Variants in MPDZ observed in about 807,000 individuals in gnomAD.
MPDZ encodes the protein multiple PDZ domain protein.
MPDZ carries 234 observed loss-of-function variants against 239.1 expected under a neutral mutation model. The observed-to-expected ratio is 0.98, with a 90% CI of 0.88 to 1.09. The LOEUF (loss-of-function observed/expected upper bound fraction) is 1.09. MPDZ is among the 50% of genes least tolerant of loss of function. The pLI is 0.00. For synonymous variants in MPDZ, 1,048 were observed against 881.3 expected, an observed-to-expected ratio of 1.19 and a Z score of -3.35; for missense variants, 3,175 against 2,510.0, an observed-to-expected ratio of 1.26 and a Z score of -5.66.
At chr9:13,134,306 T>A (rs2132158305) in intron 31 of MPDZ, 1 of 152,470 alleles carries the variant, frequency 6.6e-6, no homozygotes, top group African/African-American at 2.4e-5. Context: ...ACTGTGTTAT[T>A]TATCAAGTGA....
rs372859606 is a variant in MPDZ at position 13,125,328 on chromosome 9, T to C, written c.4695A>G (p.Pro1565=). The change falls in exon 35 of 47, where the codon CCA becomes CCG. Residue 1565 remains proline, a synonymous_variant. Transcript: ENST00000319217. Reference sequence around the variant, plus strand: ...CTGCTGAAGGAACAGCCTGGGAATCTGGATTCTCAGCATGGATGGTAAGTT... The same window carrying C: ...CTGCTGAAGGAACAGCCTGGGAATCCGGATTCTCAGCATGGATGGTAAGTT... ...TVKLTIHAEN[P]DSQAVPSAAG... 7.0e-5 allele frequency: 113 copies of C among 1,613,736 alleles called. No individual in the cohort carries two copies. Among genetic ancestry groups the C allele is most frequent in the Middle Eastern group, 1.6e-4 (1 of 6,084 alleles).
intron 1 of MPDZ, among the ~76,000 whole-genome samples, chr9:13,268,152 T>TTA (rs71491605): frequency 0.038 from 5,514 of 146,782 alleles, 114 homozygotes; most frequent in African/African-American, 0.056. Context: ...AAAAGGAAAA[T>TTA]TATATATATA....
At chr9:13,122,511 A>G (rs1462828771) in intron 36 of MPDZ, among the ~76,000 whole-genome samples, 1 of 150,274 alleles carries the variant, frequency 6.7e-6, no homozygotes, top group Non-Finnish European at 1.5e-5. Context: ...CAAAGTATCA[A>G]TTTTTCAAAC....
chr9:13,228,662 G>C (rs1961410632), intron 3 of MPDZ, among the ~76,000 whole-genome samples: 6 of 151,862 alleles, frequency 4.0e-5, no homozygotes, highest in Admixed American at 3.9e-4. Context: ...TTGGTGTGCG[G>C]GATCCTCAGC....
At chr9:13,219,820 G>C in intron 7 of MPDZ, 52 bp from the exon 8 acceptor site, 2 of 1,544,612 alleles carry the variant, frequency 1.3e-6, no homozygotes, top group Non-Finnish European at 8.9e-7. Flanking sequence ...AACTGCAACA[G>C]ATAAATCCTA....
At chr9:13,272,319 G>A (rs939328784) in intron 1 of MPDZ, among the ~76,000 whole-genome samples, 4 of 151,998 alleles carry the variant, frequency 2.6e-5, no homozygotes, top group African/African-American at 4.8e-5. Flanking sequence ...CCAGGCCCCA[G>A]GGCTATTTCT....
intron 36 of MPDZ, 102 bp from the exon 37 acceptor site, chr9:13,122,272 G>C (rs892061718): frequency 1.9e-6 from 2 of 1,039,286 alleles, no homozygotes; most frequent in South Asian, 1.4e-5. Context: ...ACAGCAATAA[G>C]GGTTATAAAC....
intron 1 of MPDZ, among the ~76,000 whole-genome samples, chr9:13,250,819 C>G (rs1351377955): frequency 6.6e-6 from 1 of 152,058 alleles, no homozygotes; most frequent in Non-Finnish European, 1.5e-5. Flanking sequence ...GGAGACAATA[C>G]ATGCATACCT....
rs538345505 is a variant in MPDZ at position 13,224,340 on chromosome 9, T to C, written c.393+34A>G. ...GATCACATTCTTAAATTACTACAGG[T>C]ATTACAATAACTAACAGAAAGAAAT... On this transcript the variant is annotated intron_variant, in intron 4 of 46. Coordinates refer to ENST00000319217, the MANE Select transcript of MPDZ (RefSeq NM_001378778.1). The C allele has an allele frequency of 1.2e-5, 18 of 1,502,822 alleles. 1 individual carries two copies. The South Asian group carries it at 1.4e-4, about 12-fold the overall frequency. 93.1% of individuals were successfully genotyped at this position (1,502,822 alleles called of 1,614,324 possible).
At chr9:13,177,891 C>G (rs1160175509) in intron 19 of MPDZ, among the ~76,000 whole-genome samples, 1 of 152,148 alleles carries the variant, frequency 6.6e-6, no homozygotes, top group Non-Finnish European at 1.5e-5. Context: ...TATTTATATT[C>G]TACATCTTTG....
At chr9:13,157,792 T>G (rs913505805) in intron 24 of MPDZ, among the ~76,000 whole-genome samples, 1 of 152,176 alleles carries the variant, frequency 6.6e-6, no homozygotes, top group Non-Finnish European at 1.5e-5. Context: ...TTTCTTTAAT[T>G]TAGTCCCTAC....
chr9:13,255,406 C>T lies in MPDZ; in HGVS notation c.-57-5034G>A, dbSNP rs577159525. Among the ~76,000 whole-genome samples, 5 of 152,296 alleles carry T rather than the reference C, an allele frequency of 3.3e-5. No individual in the cohort carries two copies. In the East Asian group the frequency reaches 9.7e-4, roughly 29 times the overall value. On this transcript the variant is annotated intron_variant, in intron 1 of 46. Coordinates refer to ENST00000319217, the MANE Select transcript of MPDZ (RefSeq NM_001378778.1). ...CCATGAATTACAAATATCTTAATGGCATTTAAAGTAGTGAATCCTTTCCAA... is the reference window on the plus strand; with the variant it reads ...CCATGAATTACAAATATCTTAATGGTATTTAAAGTAGTGAATCCTTTCCAA...
At chr9:13,168,316 T>G in intron 22 of MPDZ, 50 bp downstream of exon 22, 1 of 1,524,532 alleles carries the variant, frequency 6.6e-7, no homozygotes, top group Non-Finnish European at 9.1e-7. Flanking sequence ...TTCTGATTAA[T>G]TGAAATTCCT....
At chr9:13,220,803 C>G (rs1959011436) in intron 7 of MPDZ, among the ~76,000 whole-genome samples, 1 of 151,914 alleles carries the variant, frequency 6.6e-6, no homozygotes, top group South Asian at 2.1e-4. Flanking sequence ...TAAGCCTTAT[C>G]AAATTAAGAT....
At chr9:13,208,458 T>C (rs1229138851) in intron 10 of MPDZ, among the ~76,000 whole-genome samples, 5 of 145,100 alleles carry the variant, frequency 3.4e-5, no homozygotes, top group African/African-American at 1.3e-4. Context: ...CATAAATAAA[T>C]ATTAAAAAAA....
intron 32 of MPDZ, among the ~76,000 whole-genome samples, chr9:13,133,355 T>C (rs1458844986): frequency 6.6e-6 from 1 of 152,190 alleles, no homozygotes; most frequent in Non-Finnish European, 1.5e-5. Context: ...ACTTCTCTTA[T>C]ATGTATAGTA....
At chr9:13,176,545 A>G (rs992369860) in intron 19 of MPDZ, 128 bp from the exon 20 acceptor site, 42 of 843,080 alleles carry the variant, frequency 5.0e-5, no homozygotes, top group Non-Finnish European at 6.9e-5. Context: ...TTATTACTCA[A>G]AAAGCATTAA....
rs1345489948 is a variant in MPDZ, at chr9:13,138,120, C to T, written c.4037G>A (p.Gly1346Asp). 3 of 1,602,280 alleles carry T rather than the reference C, an allele frequency of 1.9e-6. No homozygotes were observed. The highest frequency in any genetic ancestry group is 4.5e-5 in the East Asian group (2 of 44,622). ...CTCCAGTTCAATCATATGCAGCTCGCCTGTTAGGGTTCCATAACGCTCTCT... is the reference window on the plus strand; with the variant it reads ...CTCCAGTTCAATCATATGCAGCTCGTCTGTTAGGGTTCCATAACGCTCTCT... The part of the protein sequence containing the change: ...NIRERYGTLT[G>D]ELHMIELEKG... Residue 1346 changes from glycine (G) to aspartate (D), a missense_variant, in exon 29 of 47, where the codon GGC becomes GAC. Gly to Asp is a moderately conservative substitution (Grantham distance 94). Transcript: ENST00000319217.
chr9:13,138,979 G>A (rs997408113), intron 28 of MPDZ, among the ~76,000 whole-genome samples: 4 of 152,184 alleles, frequency 2.6e-5, no homozygotes, highest in African/African-American at 9.7e-5. Context: ...ATAGAAAACT[G>A]AAACATTTCA....
Sources: allele counts gnomAD v4.1 joint callset (sites outside exome capture counted in the v4.1 genomes callset), GRCh38; gene constraint gnomAD v4.1.1; transcripts MANE v1.5; gene names NCBI Gene and HGNC (gene_info 2026-07-23, HGNC 2026-07-21).